The following ANO10 variants were observed in gnomAD, a reference collection of about 807,000 sequenced individuals.
The protein encoded by ANO10 is anoctamin-10.
Under a neutral mutation model 74.7 loss-of-function variants are expected in ANO10, and 77 were observed. The ratio of observed to expected loss-of-function variants is 1.03; its 90% CI spans 0.86 to 1.25. The LOEUF (loss-of-function observed/expected upper bound fraction) is 1.25, where lower values mean the gene tolerates loss of function less well. Ranked by LOEUF, ANO10 falls within the 50% of genes most tolerant of loss-of-function variation. The pLI is 0.00. For missense variants in ANO10, 721 were observed against 778.1 expected (o/e 0.93, Z 0.87); for synonymous variants, 279 against 284.9 (o/e 0.98, Z 0.21).
intron 11 of ANO10, among the ~76,000 whole-genome samples, chr3:43,537,402 G>A (rs2078760289): frequency 1.3e-5 from 2 of 152,104 alleles, no homozygotes. Flanking sequence ...TATTAGCACA[G>A]ATGGTGCCAA....
intron 1 of ANO10, among the ~76,000 whole-genome samples, chr3:43,687,105 A>G (rs544731372): frequency 6.7e-6 from 1 of 149,906 alleles, no homozygotes; most frequent in South Asian, 2.1e-4. Flanking sequence ...CCTTCTTATT[A>G]TCTCCCTGCC....
At chr3:43,400,159 A>G (rs1559509232) in intron 12 of ANO10, among the ~76,000 whole-genome samples, 1 of 152,046 alleles carries the variant, frequency 6.6e-6, no homozygotes, top group Non-Finnish European at 1.5e-5. Flanking sequence ...AACATTTTTA[A>G]TAGATGTATG....
At chr3:43,447,489 C>T (rs1014625343) in intron 11 of ANO10, among the ~76,000 whole-genome samples, 6 of 152,070 alleles carry the variant, frequency 3.9e-5, no homozygotes, top group Admixed American at 6.5e-5. Flanking sequence ...CACACTTAAC[C>T]GCCATTTGCA....
intron 11 of ANO10, among the ~76,000 whole-genome samples, chr3:43,463,449 T>C (rs2075476386): frequency 6.6e-6 from 1 of 152,218 alleles, no homozygotes; most frequent in Non-Finnish European, 1.5e-5. Context: ...GCCACAAAAG[T>C]GTACTTATGC....
intron 1 of ANO10, among the ~76,000 whole-genome samples, chr3:43,638,138 C>T (rs2083632881): frequency 6.6e-6 from 1 of 152,158 alleles, no homozygotes; most frequent in African/African-American, 2.4e-5. Flanking sequence ...CTGCCTTCTC[C>T]AGACAGAAAT....
chr3:43,642,841 A>C (rs2083683881), intron 1 of ANO10, among the ~76,000 whole-genome samples: 1 of 142,518 alleles, frequency 7.0e-6, no homozygotes, highest in Non-Finnish European at 1.5e-5. Flanking sequence ...TTCAATTCAC[A>C]GACATTTTTT....
upstream of ANO10, among the ~76,000 whole-genome samples, chr3:43,623,723 T>C (rs2083465920): frequency 6.6e-6 from 1 of 152,166 alleles, no homozygotes; most frequent in African/African-American, 2.4e-5. Flanking sequence ...GACTCGTTAC[T>C]TGGTAGGAGC....
intron 1 of ANO10, among the ~76,000 whole-genome samples, chr3:43,662,837 A>T (rs532085768): frequency 6.6e-6 from 1 of 152,294 alleles, no homozygotes; most frequent in South Asian, 2.1e-4. Flanking sequence ...CCAAGACTAA[A>T]CCAGGAAGAA....
At chr3:43,452,889 GT>G (rs751912434) in intron 11 of ANO10, among the ~76,000 whole-genome samples, 3 of 152,150 alleles carry the variant, frequency 2.0e-5, no homozygotes, top group Non-Finnish European at 4.4e-5. Context: ...TGAGTATAAA[GT>G]ATTATCTTAT....
chr3:43,575,432 G>A (rs1291833986), intron 6 of ANO10, among the ~76,000 whole-genome samples: 1 of 152,118 alleles, frequency 6.6e-6, no homozygotes, highest in East Asian at 1.9e-4. Flanking sequence ...CACCAACTCA[G>A]CTACTCAGCC....
intron 11 of ANO10, among the ~76,000 whole-genome samples, chr3:43,522,994 G>A (rs1464983611): frequency 6.6e-6 from 1 of 152,184 alleles, no homozygotes; most frequent in African/African-American, 2.4e-5. Flanking sequence ...AGGCTGGAAA[G>A]GGAGTACCTG....
intron 1 of ANO10, among the ~76,000 whole-genome samples, chr3:43,659,021 AAGTT>A (rs1396504877): frequency 6.6e-6 from 1 of 152,138 alleles, no homozygotes; most frequent in Non-Finnish European, 1.5e-5. Context: ...TAATGGAAAA[AAGTT>A]AAGTATGAGG....
At chr3:43,521,069 T>C (rs578158093) in intron 11 of ANO10, among the ~76,000 whole-genome samples, 3 of 152,324 alleles carry the variant, frequency 2.0e-5, no homozygotes, top group African/African-American at 7.2e-5. Flanking sequence ...GGATTTTCTA[T>C]TTACAAGAGC....
At chr3:43,435,847 C>A (rs1412767324) in intron 11 of ANO10, among the ~76,000 whole-genome samples, 1 of 152,186 alleles carries the variant, frequency 6.6e-6, no homozygotes, top group Admixed American at 6.5e-5. Context: ...CACCCCTACC[C>A]CTACCCCTAG....
intron 1 of ANO10, among the ~76,000 whole-genome samples, chr3:43,676,671 A>G (rs1271034721): frequency 2.6e-5 from 4 of 152,156 alleles, no homozygotes; most frequent in African/African-American, 9.7e-5. Context: ...TGGTTGGGAC[A>G]TTGTAATATC....
At chr3:43,598,422 A>G in intron 4 of ANO10, 110 bp downstream of exon 4, 1 of 1,084,274 alleles carries the variant, frequency 9.2e-7, no homozygotes, top group Non-Finnish European at 1.3e-6. Context: ...GTTCATAAAA[A>G]TACAAGTTAT....
At chr3:43,438,446 TAAAA>T (rs1177663298) in intron 11 of ANO10, among the ~76,000 whole-genome samples, 1 of 144,424 alleles carries the variant, frequency 6.9e-6, no homozygotes, top group Admixed American at 6.9e-5. Flanking sequence ...TTGTCTGTAT[TAAAA>T]AAAAAAAAAT....
intron 12 of ANO10, among the ~76,000 whole-genome samples, chr3:43,431,022 A>T (rs1163345000): frequency 6.6e-6 from 1 of 151,290 alleles, no homozygotes; most frequent in African/African-American, 2.4e-5. Context: ...TCCTTACCAA[A>T]TTTTTTTATT....
At chr3:43,499,371 G>T (rs923008051) in intron 11 of ANO10, among the ~76,000 whole-genome samples, 16 of 152,096 alleles carry the variant, frequency 1.1e-4, no homozygotes, top group South Asian at 4.2e-4. Context: ...TACACTGAAT[G>T]CTCTAGATGG....
Sources: gnomAD v4.1 joint callset for allele counts (sites outside exome capture counted in the v4.1 genomes callset) on GRCh38, gnomAD v4.1.1 for gene constraint, MANE v1.5 for transcripts, NCBI Gene and HGNC (gene_info 2026-07-23, HGNC 2026-07-21) for gene names.